DCAF16: variants seen among roughly 807,000 people sequenced by gnomAD.
DCAF16 encodes DDB1 and CUL4 associated factor 16.
In DCAF16, 10 loss-of-function variants were observed where a neutral mutation model predicts 17.3. That is an observed-to-expected ratio of 0.58 (90% CI 0.36 to 0.98). The LOEUF is 0.98. Ranked by LOEUF, DCAF16 falls within the 50% of genes least tolerant of loss-of-function variation. The probability of loss-of-function intolerance (pLI) is 0.01; values close to 1 mark genes in which losing one functional copy is unlikely to be tolerated. For synonymous variants in DCAF16, 111 were observed against 92.8 expected, an observed-to-expected ratio of 1.20 and a Z score of -1.12; for missense variants, 249 against 247.6, an observed-to-expected ratio of 1.01 and a Z score of -0.04.
chr4:17,799,272 A>G (rs572460599), downstream of DCAF16, among the ~76,000 whole-genome samples: 1 of 152,292 alleles, frequency 6.6e-6, no homozygotes, highest in South Asian at 2.1e-4. Context: ...ATTCTCCACT[A>G]TAAGCTATTT....
At chr4:17,809,061 G>A (rs552384213) in intron 1 of DCAF16, among the ~76,000 whole-genome samples, 2 of 151,880 alleles carry the variant, frequency 1.3e-5, no homozygotes, top group Admixed American at 6.6e-5. Flanking sequence ...TATTAGAAAC[G>A]TCACAAAGCA....
chr4:17,808,614 CA>C (rs76992214), intron 1 of DCAF16, among the ~76,000 whole-genome samples: 21,184 of 145,530 alleles, frequency 0.15, 1,632 homozygotes, highest in South Asian at 0.25. Flanking sequence ...CAAAACAAAA[CA>C]AAAAAAAAAA....
intron 1 of DCAF16, among the ~76,000 whole-genome samples, chr4:17,810,162 T>A (rs1171673935): frequency 1.3e-5 from 2 of 152,222 alleles, no homozygotes; most frequent in Non-Finnish European, 2.9e-5. Context: ...CTGTCTGATA[T>A]AATTTCATTT....
Position 17,803,134 on chromosome 4 carries a change from CCT to C in DCAF16, c.*355_*356del, listed in dbSNP as rs761619023. ...CCGTCTCCTGGGTTCAAGTGATTCTCCTGTTTCAGCCTCCCGAGTAGCAGGGA... is the reference window on the plus strand; with the variant it reads ...CCGTCTCCTGGGTTCAAGTGATTCTCGTTTCAGCCTCCCGAGTAGCAGGGA... On this transcript the variant is annotated 3_prime_UTR_variant, in exon 3 of 3. Transcript: ENST00000382247. 10 of 198,972 alleles carry C rather than the reference CCT, an allele frequency of 5.0e-5. No homozygotes were observed. The highest frequency in any genetic ancestry group is 9.3e-5 in the Non-Finnish European group (9 of 96,390). The allele number at this position is 198,972 out of a possible 1,614,324, so 12.3% of individuals were successfully genotyped here.
rs1191238446 is a variant in DCAF16 at position 17,802,795 on chromosome 4, G to C, written c.*696C>G. Reference sequence around the variant, plus strand: ...ACTACTTCCACAGAAATGTATGTTAGAGAAGAGTATGCTCAGAAAGGTATT... The same window carrying C: ...ACTACTTCCACAGAAATGTATGTTACAGAAGAGTATGCTCAGAAAGGTATT... On this transcript the variant is annotated 3_prime_UTR_variant, in exon 3 of 3. Coordinates refer to ENST00000382247, the MANE Select transcript of DCAF16 (RefSeq NM_017741.4). 6.6e-6 allele frequency: 1 copy of C among 152,184 alleles called. No homozygotes were observed. The highest frequency in any genetic ancestry group is 1.5e-5 in the Non-Finnish European group (1 of 68,056). The allele number at this position is 152,184 out of a possible 1,614,324, so 9.4% of individuals were successfully genotyped here. A position where few individuals can be genotyped will look rare whatever the true frequency, so the allele number is the denominator to read the frequency against.
chr4:17,802,702 A>G lies in DCAF16; in HGVS notation c.*789T>C, dbSNP rs1719908202. The G allele has an allele frequency of 6.6e-6, 1 of 151,956 alleles. No individual in the cohort carries two copies. The highest frequency in any genetic ancestry group is 6.6e-5 in the Admixed American group (1 of 15,254). 9.4% of individuals were successfully genotyped at this position (151,956 alleles called of 1,614,324 possible). On this transcript the variant is annotated 3_prime_UTR_variant, in exon 3 of 3. Transcript: ENST00000382247. ...AAGAGTGTCATATGTAGGCACATCT[A>G]TATAAAAGCTGGGAAAGAAATTCAT...
Position 17,803,544 on chromosome 4 carries a change from A to T in DCAF16, c.598T>A (p.Ser200Thr). The change falls in exon 3 of 3, where the codon TCT becomes ACT. Residue 200 changes from serine (S) to threonine (T), a missense_variant. Transcript: ENST00000382247. ...ACTGCCTTTTGGAAGTCAGTGTAAG[A>T]ATAAGTAGTGTTGATGGGTTCAGTA... ...TRTEPINTTYSYTDFQKAVNK... is the reference protein window; with the variant it reads ...TRTEPINTTYTYTDFQKAVNK... 6.2e-7 allele frequency: 1 copy of T among 1,614,206 alleles called. No individual in the cohort carries two copies. The highest frequency in any genetic ancestry group is 8.5e-7 in the Non-Finnish European group (1 of 1,180,024).
Position 17,803,876 on chromosome 4 carries a change from A to G in DCAF16, c.266T>C (p.Ile89Thr). 1 of 1,614,206 alleles carries G rather than the reference A, an allele frequency of 6.2e-7. No homozygotes were observed. ...GAGTCTTAGACCTATCTCTCGAAGT[A>G]TATGGACTGGTGTGCTTGGATCCAA... ...KLLDPSTPVHILREIGLRLSH... is the reference protein window; with the variant it reads ...KLLDPSTPVHTLREIGLRLSH... The change falls in exon 3 of 3, where the codon ATA (isoleucine) becomes ACA (threonine). Residue 89 changes from isoleucine (I) to threonine (T), a missense_variant. Transcript: ENST00000382247.
chr4:17,807,772 A>C (rs1720460994), intron 1 of DCAF16, among the ~76,000 whole-genome samples: 1 of 152,214 alleles, frequency 6.6e-6, no homozygotes, highest in Non-Finnish European at 1.5e-5. Flanking sequence ...GAAAAGAGAC[A>C]ATATCAATGT....
chr4:17,798,092 G>A (rs1474200122), downstream of DCAF16, among the ~76,000 whole-genome samples: 1 of 152,106 alleles, frequency 6.6e-6, no homozygotes, highest in African/African-American at 2.4e-5. Flanking sequence ...CCAGTATCCT[G>A]AGTCCCTCCT....
chr4:17,799,706 G>A (rs1391098760), downstream of DCAF16, among the ~76,000 whole-genome samples: 2 of 152,086 alleles, frequency 1.3e-5, no homozygotes, highest in African/African-American at 4.8e-5. Flanking sequence ...AGAAGACCCA[G>A]CAGGAAGGGC....
At chr4:17,809,240 T>C (rs528803090) in intron 1 of DCAF16, among the ~76,000 whole-genome samples, 1 of 152,134 alleles carries the variant, frequency 6.6e-6, no homozygotes, top group Non-Finnish European at 1.5e-5. Context: ...AGATCAAAGT[T>C]ATCCTACAGG....
At chr4:17,799,907 TG>T (rs1719618583), downstream of DCAF16, among the ~76,000 whole-genome samples, 1 of 152,108 alleles carries the variant, frequency 6.6e-6, no homozygotes, top group African/African-American at 2.4e-5. Context: ...CCCAGCACTT[TG>T]GGAGGCTGAG....
chr4:17,803,894 G>A lies in DCAF16; in HGVS notation c.248C>T (p.Pro83Leu). ...TCGAAGTATATGGACTGGTGTGCTT[G>A]GATCCAACAGTTTAGCATGATACAA... Reference protein sequence around the residue: ...SWLYHAKLLDPSTPVHILREI... With the variant: ...SWLYHAKLLDLSTPVHILREI... Residue 83 changes from proline to leucine, a missense_variant, in exon 3 of 3, where the codon CCA becomes CTA. Pro to Leu is a moderately conservative substitution (Grantham distance 98). Coordinates refer to ENST00000382247, the MANE Select transcript of DCAF16 (RefSeq NM_017741.4). 6.2e-7 allele frequency: 1 copy of A among 1,614,108 alleles called. No individual in the cohort carries two copies. The highest frequency in any genetic ancestry group is 8.5e-7 in the Non-Finnish European group (1 of 1,180,026).
chr4:17,804,271 T>C lies in DCAF16; in HGVS notation c.-130A>G. On this transcript the variant is annotated 5_prime_UTR_variant, in exon 3 of 3. An upstream open reading frame in the 5' UTR loses its in-frame stop. Coordinates refer to ENST00000382247, the MANE Select transcript of DCAF16 (RefSeq NM_017741.4). ...AAGATTAATTTGTCTTTCAGTCCGTTACACACATAAAGTATGCTTGTGGCC... is the reference window on the plus strand; with the variant it reads ...AAGATTAATTTGTCTTTCAGTCCGTCACACACATAAAGTATGCTTGTGGCC... The C allele has an allele frequency of 2.7e-6, 2 of 753,202 alleles. No homozygotes were observed. Among genetic ancestry groups the C allele is most frequent in the Non-Finnish European group, 4.4e-6 (2 of 458,438 alleles). The allele number at this position is 753,202 out of a possible 1,614,324, so 46.7% of individuals were successfully genotyped here.
downstream of DCAF16, among the ~76,000 whole-genome samples, chr4:17,796,710 C>A: frequency 6.6e-6 from 1 of 152,088 alleles, no homozygotes; most frequent in East Asian, 1.9e-4. Flanking sequence ...CATCTCACAA[C>A]GACAACAAAC....
At position 17,803,349 on chromosome 4, in the gene DCAF16, G is replaced by T; in HGVS notation, c.*142C>A. 1 of 768,194 alleles carries T rather than the reference G, an allele frequency of 1.3e-6. No individual in the cohort carries two copies. Among genetic ancestry groups the T allele is most frequent in the Non-Finnish European group, 2.2e-6 (1 of 463,050 alleles). The allele number at this position is 768,194 out of a possible 1,614,324, so 47.6% of individuals were successfully genotyped here. A position where few individuals can be genotyped will look rare whatever the true frequency, so the allele number is the denominator to read the frequency against. ...CTTGATATTATCATTTTATCCACAG[G>T]GTTTGTCAAAGGGTATCCTCATTGG... On this transcript the variant is annotated 3_prime_UTR_variant, in exon 3 of 3. Transcript: ENST00000382247.
At chr4:17,793,797 A>G in the DCAF16 span, among the ~76,000 whole-genome samples, 2 of 152,340 alleles carry the variant, frequency 1.3e-5, no homozygotes, top group Admixed American at 6.5e-5. Context: ...CATGTAAAAA[A>G]ATCAAGTACA....
Position 17,803,423 on chromosome 4 carries a change from G to T in DCAF16, c.*68C>A. On this transcript the variant is annotated 3_prime_UTR_variant, in exon 3 of 3. Coordinates refer to ENST00000382247, the MANE Select transcript of DCAF16 (RefSeq NM_017741.4). Reference sequence around the variant, plus strand: ...GACTGAGAAGGCATTAGTGGGCTGTGTAATGACTAACTTTGTACCACTTTC... The same window carrying T: ...GACTGAGAAGGCATTAGTGGGCTGTTTAATGACTAACTTTGTACCACTTTC... 1 of 1,448,352 alleles carries T rather than the reference G, an allele frequency of 6.9e-7. No individual in the cohort carries two copies. Among genetic ancestry groups the T allele is most frequent in the Non-Finnish European group, 9.6e-7 (1 of 1,045,088 alleles). 89.7% of individuals were successfully genotyped at this position (1,448,352 alleles called of 1,614,324 possible).
Sources: gnomAD v4.1 joint callset for allele counts (sites outside exome capture counted in the v4.1 genomes callset) on GRCh38, gnomAD v4.1.1 for gene constraint, MANE v1.5 for transcripts, NCBI Gene and HGNC (gene_info 2026-07-23, HGNC 2026-07-21) for gene names.